Variants in NIN observed in about 807,000 individuals in gnomAD.
NIN encodes ninein.
In NIN, 137 loss-of-function variants were observed where a neutral mutation model predicts 257.6. The observed-to-expected ratio is 0.53, with a 90% CI of 0.46 to 0.61. The LOEUF (loss-of-function observed/expected upper bound fraction) is 0.61. NIN is among the 20% of genes least tolerant of loss of function. The pLI, the probability that NIN is intolerant of heterozygous loss-of-function variation, is 0.00. For missense variants in NIN, 2,439 were observed against 2,501.2 expected (o/e 0.98, Z 0.53); for synonymous variants, 918 against 919.8 (o/e 1.00, Z 0.04).
intron 4 of NIN, among the ~76,000 whole-genome samples, chr14:50,799,409 C>A (rs2043983905): frequency 6.6e-6 from 1 of 152,196 alleles, no homozygotes. Flanking sequence ...CAGCATCAAG[C>A]AACCATGGGA....
intron 17 of NIN, 68 bp from the exon 18 acceptor site, chr14:50,758,698 T>C: frequency 7.0e-7 from 1 of 1,419,986 alleles, no homozygotes; most frequent in Non-Finnish European, 9.4e-7. Flanking sequence ...AAAACCATTT[T>C]CCCATGCACT....
Position 50,756,741 on chromosome 14 carries a change from A to ATAAC in NIN, c.4285_4288dup (p.Ile1430SerfsTer38), listed in dbSNP as rs1768186403. 2 of 1,551,620 alleles carry ATAAC rather than the reference A, an allele frequency of 1.3e-6. No homozygotes were observed. The highest frequency in any genetic ancestry group is 1.7e-6 in the Non-Finnish European group (2 of 1,146,988). ...TAGGAGAGTAGTGTTTTCCTCCAGT[A>ATAAC]TAACTTGATTCTGTACTCTTGGCCT... On this transcript the variant is annotated frameshift_variant, in exon 18 of 31. Transcript: ENST00000530997. LOFTEE classifies it high-confidence loss of function.
rs766941130 is a variant in NIN, at chr14:50,757,670, C to T, written c.3360G>A (p.Ala1120=). Residue 1120 remains alanine (A), a synonymous_variant, in exon 18 of 31, where the codon GCG becomes GCA. Coordinates refer to ENST00000530997, the MANE Select transcript of NIN (RefSeq NM_020921.4). Reference sequence around the variant, plus strand: ...GCTGTAAAAACTGCTCTGTTTGTTCCGCAGTATTTCCAAAAAACTCAGTAG... The same window carrying T: ...GCTGTAAAAACTGCTCTGTTTGTTCTGCAGTATTTCCAAAAAACTCAGTAG... ...EPATEFFGNT[A]EQTEQFLQQN... is the part of the protein sequence containing the mutation. 4.1e-5 allele frequency: 66 copies of T among 1,614,000 alleles called. No individual in the cohort carries two copies. The highest frequency in any genetic ancestry group is 5.3e-5 in the Non-Finnish European group (62 of 1,180,036).
intron 22 of NIN, among the ~76,000 whole-genome samples, chr14:50,746,134 G>A (rs2041527640): frequency 6.6e-6 from 1 of 151,278 alleles, no homozygotes; most frequent in Admixed American, 6.6e-5. Flanking sequence ...CTCCAGCTTA[G>A]CAAAGCCACA....
intron 9 of NIN, chr14:50,771,964 T>A: frequency 4.6e-6 from 1 of 219,016 alleles, no homozygotes. Flanking sequence ...CCAGTCCAGG[T>A]GATAAAACGA....
chr14:50,811,945 G>C (rs1321315922), intron 3 of NIN, among the ~76,000 whole-genome samples: 1 of 114,234 alleles, frequency 8.8e-6, no homozygotes, highest in African/African-American at 3.4e-5. Context: ...AGTGAGCCAA[G>C]ACTCCGTCTC....
At chr14:50,729,179 A>T (rs2040562871) in intron 29 of NIN, among the ~76,000 whole-genome samples, 1 of 152,196 alleles carries the variant, frequency 6.6e-6, no homozygotes, top group Non-Finnish European at 1.5e-5. Context: ...GAGAGCTCAA[A>T]AGTAGCACCG....
intron 21 of NIN, among the ~76,000 whole-genome samples, chr14:50,751,847 G>C (rs991686325): frequency 1.4e-4 from 21 of 152,086 alleles, no homozygotes; most frequent in African/African-American, 5.1e-4. Context: ...TTTTGTATAT[G>C]ATTTATTTGT....
At chr14:50,815,508 A>T (rs1364517617) in intron 3 of NIN, among the ~76,000 whole-genome samples, 1 of 152,232 alleles carries the variant, frequency 6.6e-6, no homozygotes, top group African/African-American at 2.4e-5. Flanking sequence ...TAGAGGCAGA[A>T]ATACCATTTG....
intron 29 of NIN, among the ~76,000 whole-genome samples, chr14:50,728,207 T>C (rs1411259349): frequency 6.6e-6 from 1 of 152,072 alleles, no homozygotes; most frequent in Non-Finnish European, 1.5e-5. Context: ...GGCGGATCAT[T>C]TGGTTAGAAG....
rs752729865 is a variant in NIN, at chr14:50,758,344, T to A, written c.2686A>T (p.Met896Leu). 1.2e-6 allele frequency: 2 copies of A among 1,614,226 alleles called. No individual in the cohort carries two copies. The highest frequency in any genetic ancestry group is 2.2e-5 in the South Asian group (2 of 91,084). ...TSLVLTQERE[M>L]LEKTYKEHLN... ...TGTTCTTTGTATGTTTTCTCCAGCA[T>A]CTCTCTCTCCTGGGTCAGGACCAGA... The change falls in exon 18 of 31, where the codon ATG (methionine) becomes TTG (leucine). Residue 896 changes from methionine to leucine, a missense_variant. Physicochemically the swap from Met to Leu is conservative, Grantham distance 15. Around this residue, in one of 3 missense-constraint regions of NIN, gnomAD observed 2,043 missense variants for 2,050.2 expected, o/e 1.00. Transcript: ENST00000530997.
chr14:50,762,084 G>A (rs1011168027), intron 15 of NIN, among the ~76,000 whole-genome samples, 173 bp from the exon 16 acceptor site: 16 of 152,298 alleles, frequency 1.1e-4, no homozygotes, highest in South Asian at 2.1e-4. Context: ...CTTTTCAAGC[G>A]TTAGGGCAAA....
chr14:50,800,805 G>A (rs112309155), intron 4 of NIN, among the ~76,000 whole-genome samples: 4,077 of 150,306 alleles, frequency 0.027, 184 homozygotes, highest in African/African-American at 0.095. Context: ...TTTTTGAGAC[G>A]GAGTTTCGCT....
chr14:50,741,562 A>AT lies in NIN; in HGVS notation c.5448+19dup, dbSNP rs1368885982. Reference sequence around the variant, plus strand: ...TTTACTGTAAATAACTTATACCTAAATAAAAAAAGAACAAATCACCTTGCC... The same window carrying AT: ...TTTACTGTAAATAACTTATACCTAAATTAAAAAAAGAACAAATCACCTTGCC... On this transcript the variant is annotated intron_variant, in intron 25 of 30. Coordinates refer to ENST00000530997, the MANE Select transcript of NIN (RefSeq NM_020921.4). 2 of 1,609,688 alleles carry AT rather than the reference A, an allele frequency of 1.2e-6. No homozygotes were observed. Among genetic ancestry groups the AT allele is most frequent in the Non-Finnish European group, 1.7e-6 (2 of 1,178,200 alleles).
chr14:50,751,859 C>T (rs914315749), intron 21 of NIN, among the ~76,000 whole-genome samples: 21 of 152,118 alleles, frequency 1.4e-4, no homozygotes, highest in Admixed American at 3.3e-4. Context: ...TTTATTTGTT[C>T]GTATGCTTCT....
intron 5 of NIN, among the ~76,000 whole-genome samples, chr14:50,791,807 G>GCACACACAAACACAAACACACA (rs57083345): frequency 1.2e-4 from 14 of 116,774 alleles, no homozygotes; most frequent in South Asian, 9.8e-4. Flanking sequence ...AGGTGCACGC[G>GCACACACAAACACAAACACACA]CACACACACA....
At chr14:50,747,399 T>C (rs1248343531) in intron 22 of NIN, among the ~76,000 whole-genome samples, 5 of 152,164 alleles carry the variant, frequency 3.3e-5, no homozygotes, top group African/African-American at 9.7e-5. Flanking sequence ...AGAACAACAA[T>C]TTCTTAAACT....
chr14:50,786,038 G>A (rs1304425459), intron 5 of NIN, among the ~76,000 whole-genome samples: 1 of 152,132 alleles, frequency 6.6e-6, no homozygotes, highest in Non-Finnish European at 1.5e-5. Flanking sequence ...ATTTTTAAAC[G>A]CACACACATT....
In NIN at chr14:50,722,545, G is replaced by GT. The variant is rs2040292017; in HGVS notation, c.*917dup. On this transcript the variant is annotated 3_prime_UTR_variant, in exon 31 of 31. Transcript: ENST00000530997. Reference sequence around the variant, plus strand: ...GGCCCTACAGTAGTTCAGGAAGACAGTTTACAGTATTGTTCCCTGAGTTCT... The same window carrying GT: ...GGCCCTACAGTAGTTCAGGAAGACAGTTTTACAGTATTGTTCCCTGAGTTCT... 4.8e-6 allele frequency: 1 copy of GT among 209,722 alleles called. No individual in the cohort carries two copies. Among genetic ancestry groups the GT allele is most frequent in the Non-Finnish European group, 9.7e-6 (1 of 102,878 alleles). 13.0% of individuals were successfully genotyped at this position (209,722 alleles called of 1,614,324 possible).
Sources: gnomAD v4.1 joint callset for allele counts (sites outside exome capture counted in the v4.1 genomes callset) on GRCh38, gnomAD v4.1.1 for gene constraint, gnomAD v4.1.1 regional missense constraint, MANE v1.5 for transcripts, NCBI Gene and HGNC (gene_info 2026-07-23, HGNC 2026-07-21) for gene names.